The following RELN variants were observed in gnomAD, a reference collection of about 807,000 sequenced individuals.
RELN encodes reelin.
Under a neutral mutation model 427.6 loss-of-function variants are expected in RELN, and 108 were observed. The observed-to-expected ratio is 0.25, with a 90% CI of 0.22 to 0.30. The LOEUF (loss-of-function observed/expected upper bound fraction) is 0.30, where lower values mean the gene tolerates loss of function less well. RELN is among the 10% of genes least tolerant of loss of function. The pLI, the probability that RELN is intolerant of heterozygous loss-of-function variation, is 1.00. For synonymous variants in RELN, 1,524 were observed against 1,513.4 expected, an observed-to-expected ratio of 1.01 and a Z score of -0.16; for missense variants, 3,715 against 4,302.8, an observed-to-expected ratio of 0.86 and a Z score of 3.82.
chr7:103,630,024 A>T lies in RELN; in HGVS notation c.2618T>A (p.Phe873Tyr). The T allele has an allele frequency of 6.2e-7, 1 of 1,613,918 alleles. No individual in the cohort carries two copies. Among genetic ancestry groups the T allele is most frequent in the Non-Finnish European group, 8.5e-7 (1 of 1,179,830 alleles). ...CTGAGTGACCTCCACAAGATTGGTA[A>T]AGTCAAGACTAATGCTGTTGAAAAG... ...SVLFNSISLD[F>Y]TNLVEVTQSL... Residue 873 changes from phenylalanine to tyrosine, a missense_variant, in exon 20 of 65, where the codon TTT becomes TAT. Coordinates refer to ENST00000428762, the MANE Select transcript of RELN (RefSeq NM_005045.4).
At chr7:103,544,970 T>C (rs778390102) in intron 42 of RELN, among the ~76,000 whole-genome samples, 154 bp downstream of exon 42, 1 of 152,224 alleles carries the variant, frequency 6.6e-6, no homozygotes, top group Non-Finnish European at 1.5e-5. Flanking sequence ...AATGGAACCC[T>C]ATAAATTCAG....
intron 50 of RELN, among the ~76,000 whole-genome samples, chr7:103,511,720 T>C (rs1237898105): frequency 6.6e-6 from 1 of 151,276 alleles, no homozygotes; most frequent in Non-Finnish European, 1.5e-5. Context: ...TTAGCTGGAG[T>C]GGTGGTGCAC....
At chr7:103,612,071 C>CT (rs1453972669) in intron 20 of RELN, among the ~76,000 whole-genome samples, 4 of 152,032 alleles carry the variant, frequency 2.6e-5, no homozygotes, top group Admixed American at 2.0e-4. Flanking sequence ...GAATATAAAC[C>CT]TTTTGACTCA....
At chr7:103,524,219 A>G (rs1829773091) in intron 46 of RELN, among the ~76,000 whole-genome samples, 1 of 152,196 alleles carries the variant, frequency 6.6e-6, no homozygotes, top group Admixed American at 6.5e-5. Flanking sequence ...GTGCAAAATC[A>G]GAAAAGATGA....
In RELN at chr7:103,545,642, TG is replaced by T. The variant is rs1181556335; in HGVS notation, c.6303-299del. On this transcript the variant is annotated intron_variant, in intron 41 of 64. Coordinates refer to ENST00000428762, the MANE Select transcript of RELN (RefSeq NM_005045.4). ...GAAGACTTCTCCATCCTTACTATTTTGTTTTATTTTTTTTTTTGAGACAGAG... is the reference window on the plus strand; with the variant it reads ...GAAGACTTCTCCATCCTTACTATTTTTTTTATTTTTTTTTTTGAGACAGAG... Among the ~76,000 whole-genome samples, 1,658 of 151,402 alleles carry T rather than the reference TG, an allele frequency of 0.011. 28 individuals are homozygous for T. Among genetic ancestry groups the T allele is most frequent in the African/African-American group, 0.038 (1,563 of 41,350 alleles).
At chr7:103,842,905 C>G (rs954798072) in intron 2 of RELN, among the ~76,000 whole-genome samples, 1 of 152,150 alleles carries the variant, frequency 6.6e-6, no homozygotes, top group Non-Finnish European at 1.5e-5. Flanking sequence ...CCCCATTCCT[C>G]TCCCAGAACT....
intron 4 of RELN, among the ~76,000 whole-genome samples, chr7:103,771,679 G>A (rs564307591): frequency 6.6e-5 from 10 of 152,198 alleles, no homozygotes; most frequent in South Asian, 2.1e-4. Flanking sequence ...CAAAAGTGAC[G>A]GAGTAGCCCC....
chr7:103,795,577 T>C (rs753780887), intron 3 of RELN, among the ~76,000 whole-genome samples: 4 of 152,250 alleles, frequency 2.6e-5, no homozygotes, highest in East Asian at 3.8e-4. Flanking sequence ...ATATGCTTTA[T>C]GAGTTTATTT....
rs569841299 is a variant in RELN at position 103,636,436 on chromosome 7, T to A, written c.2102A>T (p.Glu701Val). The change falls in exon 18 of 65, where the codon GAG (glutamate) becomes GTG (valine). Residue 701 changes from glutamate (E) to valine (V), a missense_variant. Glu to Val is a moderately radical substitution (Grantham distance 121, BLOSUM62 -2). This residue lies in a region of RELN where 2,208 missense variants were observed against 2,361.7 expected (regional missense o/e 0.93). Coordinates refer to ENST00000428762, the MANE Select transcript of RELN (RefSeq NM_005045.4). ...CDPGFSGPAC[E>V]MASQTFPMFI... is the part of the protein sequence containing the mutation. ...CATTGGGAATGTCTGGGATGCCATC[T>A]CACAAGCTGGGCCAGAAAATCCAGG... 21 of 1,613,784 alleles carry A rather than the reference T, an allele frequency of 1.3e-5. No individual in the cohort carries two copies. The South Asian group carries it at 2.3e-4, about 18-fold the overall frequency.
chr7:103,474,753 T>C (rs1827973232), intron 64 of RELN, among the ~76,000 whole-genome samples: 1 of 151,832 alleles, frequency 6.6e-6, no homozygotes, highest in Admixed American at 6.6e-5. Context: ...GTTCTTTCCC[T>C]GAGCTATTAT....
Position 103,551,175 on chromosome 7 carries a change from A to G in RELN, c.6194T>C (p.Val2065Ala). 6.2e-7 allele frequency: 1 copy of G among 1,614,038 alleles called. No homozygotes were observed. Among genetic ancestry groups the G allele is most frequent in the Non-Finnish European group, 8.5e-7 (1 of 1,179,996 alleles). The change falls in exon 41 of 65, where the codon GTC becomes GCC. Residue 2065 changes from valine to alanine, a missense_variant. This residue lies in a region of RELN where 1,310 missense variants were observed against 1,643.0 expected (regional missense o/e 0.80). Transcript: ENST00000428762. ...LPLCYHSSSH[V>A]SSLCSTEHHP... ...GTGCTCGGTGGAGCATAAAGAGCTGACGTGGCTGCTGCTGTGGTAGCAGAG... is the reference window on the plus strand; with the variant it reads ...GTGCTCGGTGGAGCATAAAGAGCTGGCGTGGCTGCTGCTGTGGTAGCAGAG...
intron 6 of RELN, among the ~76,000 whole-genome samples, chr7:103,742,798 G>T (rs1790702436): frequency 6.6e-6 from 1 of 152,196 alleles, no homozygotes. Flanking sequence ...TGGTGTACCT[G>T]AAGTGACGGG....
rs1793074829 is a variant in RELN, at chr7:103,824,179, A to T, written c.473+9358T>A. Among the ~76,000 whole-genome samples, 1 of 151,984 alleles carries T rather than the reference A, an allele frequency of 6.6e-6. No individual in the cohort carries two copies. Among genetic ancestry groups the T allele is most frequent in the South Asian group, 2.1e-4 (1 of 4,822 alleles). ...ACACATCTTCCTCAGTTCTAGAAAAATTTCTGCCATTATCTCTTCAAATTT... is the reference window on the plus strand; with the variant it reads ...ACACATCTTCCTCAGTTCTAGAAAATTTTCTGCCATTATCTCTTCAAATTT... On this transcript the variant is annotated intron_variant, in intron 3 of 64. Coordinates refer to ENST00000428762, the MANE Select transcript of RELN (RefSeq NM_005045.4). This position sits in a 1 kb window ranked among gnomAD's most constrained non-coding sequence, Gnocchi z 4.4.
At position 103,807,461 on chromosome 7, in the gene RELN, T is replaced by C. The variant is rs112323535; in HGVS notation, c.473+26076A>G. Among the ~76,000 whole-genome samples the C allele has an allele frequency of 3.4e-3, 516 of 152,278 alleles. 3 individuals are homozygous for C. The highest frequency in any genetic ancestry group is 0.012 in the African/African-American group (492 of 41,554). The stretch of plus-strand genomic sequence containing the variant: ...GTGAAGCTTTTTGTTGTTATTTTAT[T>C]TTTCAACTTTTAGTTTAGGTTCAGG... On this transcript the variant is annotated intron_variant, in intron 3 of 64. Coordinates refer to ENST00000428762, the MANE Select transcript of RELN (RefSeq NM_005045.4).
intron 3 of RELN, among the ~76,000 whole-genome samples, chr7:103,791,969 T>A (rs1025702535): frequency 6.6e-6 from 1 of 151,978 alleles, no homozygotes; most frequent in Non-Finnish European, 1.5e-5. Context: ...AATAAACACA[T>A]GAAAAGATGC....
intron 5 of RELN, 39 bp downstream of exon 5, chr7:103,753,143 A>G: frequency 6.2e-7 from 1 of 1,607,272 alleles, no homozygotes; most frequent in South Asian, 1.1e-5. Context: ...AAGTAGATCA[A>G]GTACTAAAGT....
At chr7:103,539,500 C>T in intron 44 of RELN, 173 bp from the exon 45 acceptor site, 2 of 650,398 alleles carry the variant, frequency 3.1e-6, no homozygotes, top group Non-Finnish European at 5.3e-6. Flanking sequence ...TTTATGTCTG[C>T]TTGCCCATCT....
Position 103,730,149 on chromosome 7 carries a change from T to C in RELN, c.657-1942A>G, listed in dbSNP as rs941048244. On this transcript the variant is annotated intron_variant, in intron 6 of 64. Coordinates refer to ENST00000428762, the MANE Select transcript of RELN (RefSeq NM_005045.4). ...GTAAAAGAATGTTCAAACCTCACAA[T>C]GGCTATCTGCCATTTGTCTCCAGTG... is the stretch of plus-strand genomic sequence containing the variant. Among the ~76,000 whole-genome samples the C allele has an allele frequency of 7.9e-5, 12 of 152,226 alleles. No individual in the cohort carries two copies. In the East Asian group the frequency reaches 2.3e-3, roughly 29 times the overall value.
intron 5 of RELN, among the ~76,000 whole-genome samples, chr7:103,750,055 C>A (rs1790957614): frequency 6.6e-6 from 1 of 152,218 alleles, no homozygotes; most frequent in South Asian, 2.1e-4. Context: ...TCTTGGCTCA[C>A]TGCAACCTTA....
Sources: gnomAD v4.1 joint callset for allele counts (sites outside exome capture counted in the v4.1 genomes callset) on GRCh38, gnomAD v4.1.1 for gene constraint, gnomAD v4.1.1 regional missense constraint, Gnocchi (gnomAD v3.1) non-coding constraint, MANE v1.5 for transcripts, NCBI Gene and HGNC (gene_info 2026-07-23, HGNC 2026-07-21) for gene names.